The following NECAB2 variants were observed in gnomAD, a reference collection of about 807,000 sequenced individuals.
NECAB2 encodes N-terminal EF-hand calcium binding protein 2.
Under a neutral mutation model 51.9 loss-of-function variants are expected in NECAB2, and 68 were observed. The ratio of observed to expected loss-of-function variants is 1.31; its 90% CI spans 1.08 to 1.60. The LOEUF (loss-of-function observed/expected upper bound fraction) is 1.60. NECAB2 is among the 40% of genes most tolerant of loss of function. NECAB2 has a pLI of 0.00. For missense variants in NECAB2, 854 were observed against 490.3 expected, an observed-to-expected ratio of 1.74 and a Z score of -7.00; for synonymous variants, 329 against 203.5, an observed-to-expected ratio of 1.62 and a Z score of -5.25.
chr16:83,965,608 G>A, upstream of NECAB2: 1 of 1,613,124 alleles, frequency 6.2e-7, no homozygotes, highest in Non-Finnish European at 8.5e-7. Flanking sequence ...AGATGATGCG[G>A]GAGCAGTCCA....
chr16:83,989,537 A>C (rs1047330532), intron 5 of NECAB2, among the ~76,000 whole-genome samples: 1 of 152,116 alleles, frequency 6.6e-6, no homozygotes, highest in African/African-American at 2.4e-5. Flanking sequence ...GCAGAAATCC[A>C]AGGTGCCTGG....
Position 83,978,439 on chromosome 16 carries a change from T to C in NECAB2, c.227-5T>C. On this transcript the variant is annotated splice_polypyrimidine_tract_variant and splice_region_variant and intron_variant, in intron 2 of 12. Transcript: ENST00000305202. ...CAGCTCCTTTCTCTGCTTCCTTCCT[T>C]GCAGATGATGGGAAGCTGTCCTTGG... is the stretch of plus-strand genomic sequence containing the variant. 2 of 1,612,846 alleles carry C rather than the reference T, an allele frequency of 1.2e-6. No homozygotes were observed. The highest frequency in any genetic ancestry group is 1.7e-6 in the Non-Finnish European group (2 of 1,179,076).
intron 11 of NECAB2, among the ~76,000 whole-genome samples, 182 bp downstream of exon 11, chr16:84,000,983 G>GGTAGT (rs766305195): frequency 6.6e-5 from 10 of 150,716 alleles, no homozygotes; most frequent in Non-Finnish European, 1.5e-4. Flanking sequence ...GCTCTTGGTG[G>GGTAGT]GTAGTGAGAG....
At chr16:83,988,839 C>T (rs895303362) in intron 5 of NECAB2, among the ~76,000 whole-genome samples, 1 of 152,168 alleles carries the variant, frequency 6.6e-6, no homozygotes, top group Non-Finnish European at 1.5e-5. Flanking sequence ...AGTCCCCCCC[C>T]ATTATGTAAT....
In NECAB2 at chr16:83,968,538, G is replaced by A. The variant is rs1465619790; in HGVS notation, c.-111G>A. 50 of 878,466 alleles carry A rather than the reference G, an allele frequency of 5.7e-5. No individual in the cohort carries two copies. Among genetic ancestry groups the A allele is most frequent in the Non-Finnish European group, 6.5e-5 (48 of 735,594 alleles). The allele number at this position is 878,466 out of a possible 1,614,324, so 54.4% of individuals were successfully genotyped here. A position where few individuals can be genotyped will look rare whatever the true frequency, so the allele number is the denominator to read the frequency against. ...CGGTGTCCGCGGCCGCGGGGGCAGC[G>A]GGAGAGAGGGCGGGGCGGCGCGGGC... On this transcript the variant is annotated 5_prime_UTR_variant, in exon 1 of 13. Coordinates refer to ENST00000305202, the MANE Select transcript of NECAB2 (RefSeq NM_019065.3).
At position 83,990,594 on chromosome 16, in the gene NECAB2, C is replaced by T. The variant is rs773289710; in HGVS notation, c.560C>T (p.Ala187Val). 51 of 1,613,930 alleles carry T rather than the reference C, an allele frequency of 3.2e-5. No individual in the cohort carries two copies. Among genetic ancestry groups the T allele is most frequent in the African/African-American group, 6.7e-5 (5 of 74,892 alleles). Residue 187 changes from alanine to valine, a missense_variant, in exon 6 of 13, where the codon GCG becomes GTG. Transcript: ENST00000305202. ...TCGCTGCTGAGCTCAGTGGAGAGTG[C>T]GGTGGAGGCCATCGAGGAACAGACC... ...IQSLLSSVESAVEAIEEQTSQ... is the reference protein window; with the variant it reads ...IQSLLSSVESVVEAIEEQTSQ...
chr16:84,002,581 C>A lies in NECAB2; in HGVS notation c.*235C>A. Reference sequence around the variant, plus strand: ...GCCCAAGGTTGAAGGGGGCGGCTTCCTGGAGCCAGCACCCCTGCCTCCTGG... The same window carrying A: ...GCCCAAGGTTGAAGGGGGCGGCTTCATGGAGCCAGCACCCCTGCCTCCTGG... On this transcript the variant is annotated 3_prime_UTR_variant, in exon 13 of 13. Transcript: ENST00000305202. The A allele has an allele frequency of 1.7e-6, 1 of 596,012 alleles. No individual in the cohort carries two copies. The allele number at this position is 596,012 out of a possible 1,614,324, so 36.9% of individuals were successfully genotyped here.
intron 5 of NECAB2, among the ~76,000 whole-genome samples, chr16:83,989,997 G>A (rs759215554): frequency 7.2e-5 from 11 of 152,216 alleles, no homozygotes; most frequent in Non-Finnish European, 1.2e-4. Context: ...GGAGCCCTAG[G>A]AATCCTCCTT....
At chr16:83,984,473 A>G (rs2084527395) in intron 5 of NECAB2, among the ~76,000 whole-genome samples, 1 of 151,656 alleles carries the variant, frequency 6.6e-6, no homozygotes. Flanking sequence ...CTGTAATTCC[A>G]GCACTTTGGG....
At chr16:83,999,340 C>T (rs909828293) in intron 10 of NECAB2, among the ~76,000 whole-genome samples, 1 of 152,148 alleles carries the variant, frequency 6.6e-6, no homozygotes, top group African/African-American at 2.4e-5. Context: ...GATCTTTTTC[C>T]ATTACGTGAA....
chr16:83,984,280 C>A (rs1344876685), intron 5 of NECAB2, among the ~76,000 whole-genome samples: 1 of 150,320 alleles, frequency 6.7e-6, no homozygotes, highest in Non-Finnish European at 1.5e-5. Context: ...CAGGCGTGAG[C>A]CACCGCGCCC....
rs776648016 is a variant in NECAB2, at chr16:83,980,845, G to A, written c.342G>A (p.Val114=). 6.3e-7 allele frequency: 1 copy of A among 1,594,320 alleles called. No homozygotes were observed. Among genetic ancestry groups the A allele is most frequent in the Non-Finnish European group, 8.5e-7 (1 of 1,169,860 alleles). Residue 114 remains valine, a synonymous_variant, in exon 4 of 13, where the codon GTG becomes GTA. Coordinates refer to ENST00000305202, the MANE Select transcript of NECAB2 (RefSeq NM_019065.3). ...HTIDSDNTNH[V]DTKELCDYFV... ...CCTCTGTCTGTCTCTGCAGCCATGT[G>A]GACACCAAGGAGCTGTGTGGTAGGT...
In NECAB2 at chr16:83,997,302, A is replaced by C. The variant is rs1439456223; in HGVS notation, c.849+33A>C. On this transcript the variant is annotated intron_variant, in intron 9 of 12. Transcript: ENST00000305202. ...CCCTTCCCACCTCTCTTCTGGGACCACATCCCTACCCATGCCAGGACTGCC... is the reference window on the plus strand; with the variant it reads ...CCCTTCCCACCTCTCTTCTGGGACCCCATCCCTACCCATGCCAGGACTGCC... 11 of 1,613,472 alleles carry C rather than the reference A, an allele frequency of 6.8e-6. No homozygotes were observed. In the Admixed American group the frequency reaches 1.8e-4, roughly 27 times the overall value.
At chr16:83,990,778 T>G (rs1020456237) in intron 6 of NECAB2, 148 bp downstream of exon 6, 5 of 987,820 alleles carry the variant, frequency 5.1e-6, no homozygotes, top group Non-Finnish European at 7.2e-6. Flanking sequence ...TGGTGCTCCA[T>G]TATGTAATAT....
upstream of NECAB2, among the ~76,000 whole-genome samples, chr16:83,966,788 G>T (rs968780133): frequency 6.6e-6 from 1 of 152,194 alleles, no homozygotes; most frequent in East Asian, 1.9e-4. Flanking sequence ...CTTCCTCTAG[G>T]AAGCCTCTTC....
At chr16:84,002,268 G>C (rs1190916503) in intron 12 of NECAB2, 50 bp from the exon 13 acceptor site, 1 of 1,602,920 alleles carries the variant, frequency 6.2e-7, no homozygotes, top group Non-Finnish European at 8.5e-7. Flanking sequence ...CCAGCTACGA[G>C]GCTGCCCACA....
chr16:83,991,293 TTCTC>T (rs1040437286), intron 6 of NECAB2, among the ~76,000 whole-genome samples: 27 of 151,874 alleles, frequency 1.8e-4, no homozygotes, highest in Middle Eastern at 6.8e-3. Context: ...TATTTTCTCT[TTCTC>T]TCTCTCTCTT....
At chr16:83,978,294 T>TTGGGGATTAGCTGGGAGGG in intron 2 of NECAB2, 150 bp from the exon 3 acceptor site, 1 of 612,378 alleles carries the variant, frequency 1.6e-6, no homozygotes, top group Non-Finnish European at 2.8e-6. Flanking sequence ...GTCTTTTAGT[T>TTGGGGATTAGCTGGGAGGG]TGGGGATTAG....
rs926398750 is a variant in NECAB2, at chr16:83,996,449, T to G, written c.796-767T>G. Among the ~76,000 whole-genome samples, 3 of 152,184 alleles carry G rather than the reference T, an allele frequency of 2.0e-5. No homozygotes were observed. In the South Asian group the frequency reaches 6.2e-4, roughly 32 times the overall value. ...ACAGACTCATCCACCTGCTGCTGTT[T>G]TCCTTATTAGCTGGCGTGCTTTACC... is the stretch of plus-strand genomic sequence containing the variant. On this transcript the variant is annotated intron_variant, in intron 8 of 12. Coordinates refer to ENST00000305202, the MANE Select transcript of NECAB2 (RefSeq NM_019065.3).
Sources: gnomAD v4.1 joint callset for allele counts (sites outside exome capture counted in the v4.1 genomes callset) on GRCh38, gnomAD v4.1.1 for gene constraint, MANE v1.5 for transcripts, NCBI Gene and HGNC (gene_info 2026-07-23, HGNC 2026-07-21) for gene names.